The following TMCC1 variants were observed in gnomAD, a reference collection of about 807,000 sequenced individuals.
The protein encoded by TMCC1 is transmembrane and coiled-coil domain family 1.
A neutral mutation model predicts 52.4 loss-of-function variants in TMCC1; 15 were observed. The ratio of observed to expected loss-of-function variants is 0.29; its 90% CI spans 0.19 to 0.44. The LOEUF (loss-of-function observed/expected upper bound fraction) is 0.44. TMCC1 is among the 20% of genes least tolerant of loss of function. The pLI is 1.00. For missense variants in TMCC1, 503 were observed against 806.0 expected, an observed-to-expected ratio of 0.62 and a Z score of 4.55; for synonymous variants, 279 against 301.9, an observed-to-expected ratio of 0.92 and a Z score of 0.79.
intron 2 of TMCC1, among the ~76,000 whole-genome samples, chr3:129,839,093 A>G (rs1344911844): frequency 1.3e-5 from 2 of 152,218 alleles, no homozygotes; most frequent in African/African-American, 2.4e-5. Flanking sequence ...TCCTTCAGGT[A>G]GAAAAATATA....
At chr3:129,757,104 C>T (rs1277951555) in intron 4 of TMCC1, among the ~76,000 whole-genome samples, 2 of 152,170 alleles carry the variant, frequency 1.3e-5, no homozygotes, top group Admixed American at 6.5e-5. Flanking sequence ...TTCCAAACTG[C>T]AGATCATAAT....
intron 4 of TMCC1, among the ~76,000 whole-genome samples, chr3:129,707,659 C>T (rs570957280): frequency 2.6e-5 from 4 of 152,228 alleles, no homozygotes; most frequent in East Asian, 1.9e-4. Flanking sequence ...ATTGGTCAGA[C>T]GTGGTGGCTC....
chr3:129,746,068 T>C (rs2051929528), intron 4 of TMCC1, among the ~76,000 whole-genome samples: 1 of 151,394 alleles, frequency 6.6e-6, no homozygotes, highest in East Asian at 2.0e-4. Context: ...TGAACCTCTT[T>C]CCTTTTTCTC....
intron 4 of TMCC1, among the ~76,000 whole-genome samples, chr3:129,820,421 G>A (rs916400045): frequency 1.1e-4 from 16 of 151,914 alleles, no homozygotes; most frequent in Admixed American, 7.9e-4. Flanking sequence ...CTGGAGAAGG[G>A]ATTATTCAGG....
intron 4 of TMCC1, among the ~76,000 whole-genome samples, chr3:129,821,646 A>T (rs1460967565): frequency 6.6e-6 from 1 of 152,084 alleles, no homozygotes; most frequent in African/African-American, 2.4e-5. Flanking sequence ...TCTTACTATA[A>T]CTCTGCAACA....
intron 4 of TMCC1, among the ~76,000 whole-genome samples, chr3:129,721,749 A>G (rs2049616133): frequency 1.3e-5 from 2 of 150,224 alleles, no homozygotes; most frequent in African/African-American, 4.9e-5. Flanking sequence ...GGTGGCAGGC[A>G]CCTGTAGTCC....
intron 4 of TMCC1, among the ~76,000 whole-genome samples, chr3:129,801,293 T>A (rs956895978): frequency 1.3e-5 from 2 of 151,986 alleles, no homozygotes; most frequent in Admixed American, 6.6e-5. Flanking sequence ...CTTTTTTTTT[T>A]AAATTCAACA....
rs563370963 is a variant in TMCC1, at chr3:129,716,501, A to ATTTTTT, written c.577-45243_577-45238dup. Among the ~76,000 whole-genome samples, 15 of 124,848 alleles carry ATTTTTT rather than the reference A, an allele frequency of 1.2e-4. No homozygotes were observed. In the South Asian group the frequency reaches 2.1e-3, roughly 17 times the overall value. The allele number at this position is 124,848 out of a possible 152,430, so 81.9% of individuals were successfully genotyped here. Reference sequence around the variant, plus strand: ...AGGTGCCTGCCACCACACCCAGCTAATTTTTTTTTTTTTTTTTTTGTACTT... The same window carrying ATTTTTT: ...AGGTGCCTGCCACCACACCCAGCTAATTTTTTTTTTTTTTTTTTTTTTTTTGTACTT... On this transcript the variant is annotated intron_variant, in intron 4 of 6. Coordinates refer to ENST00000393238, the MANE Select transcript of TMCC1 (RefSeq NM_001017395.5).
chr3:129,793,166 A>AACACAC (rs149082077), intron 4 of TMCC1, among the ~76,000 whole-genome samples: 4 of 148,524 alleles, frequency 2.7e-5, no homozygotes, highest in East Asian at 3.9e-4. Context: ...GAGGCCTTCA[A>AACACAC]ACACACACAC....
intron 4 of TMCC1, among the ~76,000 whole-genome samples, chr3:129,760,113 A>G (rs2053405067): frequency 6.6e-6 from 1 of 151,830 alleles, no homozygotes; most frequent in South Asian, 2.1e-4. Flanking sequence ...TTCCCTTATA[A>G]CCCCTCTTCC....
chr3:129,670,351 G>T lies in TMCC1; in HGVS notation c.1490C>A (p.Thr497Asn), dbSNP rs2087819578. The T allele has an allele frequency of 6.2e-7, 1 of 1,614,018 alleles. No homozygotes were observed. The highest frequency in any genetic ancestry group is 1.3e-5 in the African/African-American group (1 of 75,036). The change falls in exon 5 of 7, where the codon ACC becomes AAC. Residue 497 changes from threonine (T) to asparagine (N), a missense_variant. Thr to Asn is a moderately conservative substitution (Grantham distance 65, BLOSUM62 0). Coordinates refer to ENST00000393238, the MANE Select transcript of TMCC1 (RefSeq NM_001017395.5). ...TTACCTATATCGCTCCTCCTGTAAGGTCTGCATTATTAAGGAATAGTCCCT... is the reference window on the plus strand; with the variant it reads ...TTACCTATATCGCTCCTCCTGTAAGTTCTGCATTATTAAGGAATAGTCCCT... ...YQRDYSLIMQTLQEERYRCER... is the reference protein window; with the variant it reads ...YQRDYSLIMQNLQEERYRCER...
intron 4 of TMCC1, among the ~76,000 whole-genome samples, chr3:129,775,822 C>G (rs2054990993): frequency 6.6e-6 from 1 of 152,142 alleles, no homozygotes. Context: ...TCCATGTGCT[C>G]CATACTGTAG....
intron 4 of TMCC1, chr3:129,688,792 GT>G (rs2089602903): frequency 1.0e-6 from 1 of 972,110 alleles, no homozygotes; most frequent in African/African-American, 1.8e-5. Flanking sequence ...TTCTCCAGCT[GT>G]GAGCATCTTT....
chr3:129,811,849 A>G (rs908350650), intron 4 of TMCC1, among the ~76,000 whole-genome samples: 2 of 150,630 alleles, frequency 1.3e-5, no homozygotes, highest in Admixed American at 6.6e-5. Context: ...GAGGCTCAGG[A>G]AGGAGAATCA....
intron 3 of TMCC1, among the ~76,000 whole-genome samples, chr3:129,831,748 T>C (rs1460387323): frequency 6.6e-6 from 1 of 152,196 alleles, no homozygotes; most frequent in Non-Finnish European, 1.5e-5. Flanking sequence ...CAAAAGAAAT[T>C]CAATAGTCTC....
intron 4 of TMCC1, among the ~76,000 whole-genome samples, chr3:129,823,171 T>C (rs2058499314): frequency 6.6e-6 from 1 of 151,668 alleles, no homozygotes; most frequent in South Asian, 2.1e-4. Context: ...ACTAAAAATA[T>C]AAAAATTATA....
intron 4 of TMCC1, among the ~76,000 whole-genome samples, chr3:129,709,355 A>AGTC (rs530387964): frequency 2.6e-4 from 39 of 151,576 alleles, no homozygotes; most frequent in Non-Finnish European, 4.6e-4. Flanking sequence ...GTATGCCTAC[A>AGTC]GTCCCACCTA....
At chr3:129,700,202 T>C (rs2047716774) in intron 4 of TMCC1, among the ~76,000 whole-genome samples, 1 of 152,054 alleles carries the variant, frequency 6.6e-6, no homozygotes, top group South Asian at 2.1e-4. Flanking sequence ...TAGTGAGACC[T>C]TGTCTCTAAT....
intron 4 of TMCC1, among the ~76,000 whole-genome samples, chr3:129,689,823 C>T (rs1234249837): frequency 6.6e-6 from 1 of 152,168 alleles, no homozygotes; most frequent in Non-Finnish European, 1.5e-5. Context: ...CTGACCCTGA[C>T]TTTCCACAAC....
Sources: gnomAD v4.1 joint callset for allele counts (sites outside exome capture counted in the v4.1 genomes callset) on GRCh38, gnomAD v4.1.1 for gene constraint, MANE v1.5 for transcripts, NCBI Gene and HGNC (gene_info 2026-07-23, HGNC 2026-07-21) for gene names.